KIF1B: variants seen among roughly 807,000 people sequenced by gnomAD.
KIF1B encodes kinesin family member 1B.
Under a neutral mutation model 241.9 loss-of-function variants are expected in KIF1B, and 76 were observed. The observed-to-expected ratio is 0.31, with a 90% CI of 0.26 to 0.38. The LOEUF (loss-of-function observed/expected upper bound fraction) is 0.38. Among genes scored for constraint, KIF1B ranks in the 10% least tolerant of loss-of-function variants. The pLI is 1.00. For missense variants in KIF1B, 1,622 were observed against 2,271.4 expected (o/e 0.71, Z 5.81); for synonymous variants, 750 against 796.7 (o/e 0.94, Z 0.99).
At position 10,258,494 on chromosome 1, in the gene KIF1B, C is replaced by T. The variant is rs1262165101; in HGVS notation, c.185C>T (p.Pro62Leu). ...TATTTCTCCTTTTACTCTTTACAGCCCGAAGATCCCTGTTTTGCATCTCAA... is the reference window on the plus strand; with the variant it reads ...TATTTCTCCTTTTACTCTTTACAGCTCGAAGATCCCTGTTTTGCATCTCAA... ...FDYSYWSHTS[P>L]EDPCFASQNR... Residue 62 changes from proline to leucine, a missense_variant and splice_region_variant, in exon 4 of 49, where the codon CCC becomes CTC. Transcript: ENST00000676179. 1.9e-6 allele frequency: 3 copies of T among 1,613,670 alleles called. No individual in the cohort carries two copies. The highest frequency in any genetic ancestry group is 2.7e-5 in the African/African-American group (2 of 74,864).
rs2102367684 is a variant in KIF1B, at chr1:10,378,012, T to C, written c.*1425T>C. The C allele has an allele frequency of 1.5e-5, 5 of 333,762 alleles. 1 individual carries two copies. In the East Asian group the frequency reaches 1.9e-4, roughly 13 times the overall value. 20.7% of individuals were successfully genotyped at this position (333,762 alleles called of 1,614,324 possible). On this transcript the variant is annotated 3_prime_UTR_variant, in exon 49 of 49. Coordinates refer to ENST00000676179, the MANE Select transcript of KIF1B (RefSeq NM_001365951.3). ...CTCCCTTTGATCAAAGAAATATAGC[T>C]TTCAGGCATAAACCTGGAAGTCTCC...
chr1:10,269,226 C>A (rs530019391), intron 7 of KIF1B, among the ~76,000 whole-genome samples: 1 of 152,180 alleles, frequency 6.6e-6, no homozygotes, highest in African/African-American at 2.4e-5. Context: ...AAAATATACT[C>A]CTGCTGGGCC....
chr1:10,304,946 G>T, intron 22 of KIF1B: 1 of 1,198,886 alleles, frequency 8.3e-7, no homozygotes, highest in South Asian at 2.5e-5. Context: ...GTCCCATCTT[G>T]ATGTAAGTTT....
At chr1:10,364,856 A>G (rs541899326) in intron 41 of KIF1B, among the ~76,000 whole-genome samples, 1 of 151,884 alleles carries the variant, frequency 6.6e-6, no homozygotes, top group South Asian at 2.1e-4. Flanking sequence ...AATACAAAAA[A>G]TTAGCTGGGC....
chr1:10,295,380 T>C (rs1168336488), intron 18 of KIF1B, among the ~76,000 whole-genome samples: 2 of 152,192 alleles, frequency 1.3e-5, no homozygotes, highest in Non-Finnish European at 2.9e-5. Context: ...ATAATTTTTT[T>C]TTCCTTTAAC....
chr1:10,289,893 A>G (rs997971145), intron 15 of KIF1B, among the ~76,000 whole-genome samples: 1 of 151,914 alleles, frequency 6.6e-6, no homozygotes, highest in African/African-American at 2.4e-5. Context: ...CAAACAGACA[A>G]ACAAACAAAC....
At chr1:10,228,023 A>C (rs1646932319) in intron 1 of KIF1B, among the ~76,000 whole-genome samples, 1 of 151,700 alleles carries the variant, frequency 6.6e-6, no homozygotes, top group Admixed American at 6.6e-5. Flanking sequence ...TGTCTCTACT[A>C]ATAATACAAA....
intron 36 of KIF1B, 64 bp downstream of exon 36, chr1:10,347,891 G>T: frequency 1.5e-6 from 2 of 1,323,280 alleles, no homozygotes; most frequent in Non-Finnish European, 2.2e-6. Flanking sequence ...AATAAGAGAC[G>T]GAATTCTTTC....
intron 7 of KIF1B, among the ~76,000 whole-genome samples, chr1:10,270,549 A>G (rs1358214269): frequency 6.6e-6 from 1 of 152,238 alleles, no homozygotes; most frequent in East Asian, 1.9e-4. Context: ...ACATTTGTGT[A>G]CAAGTCTTTG....
At chr1:10,292,968 T>C (rs1197923591) in intron 17 of KIF1B, among the ~76,000 whole-genome samples, 2 of 152,226 alleles carry the variant, frequency 1.3e-5, no homozygotes, top group Non-Finnish European at 2.9e-5. Context: ...TGATGATCTC[T>C]CTAAGTTAGG....
chr1:10,221,189 C>T (rs554219655), intron 1 of KIF1B, among the ~76,000 whole-genome samples: 2 of 150,120 alleles, frequency 1.3e-5, no homozygotes, highest in Admixed American at 6.6e-5. Flanking sequence ...CCTCCACCTC[C>T]GAGGTTCAAG....
chr1:10,296,851 T>C, intron 20 of KIF1B, 46 bp from the exon 21 acceptor site: 2 of 1,540,652 alleles, frequency 1.3e-6, no homozygotes, highest in South Asian at 1.1e-5. Context: ...AGATACTATA[T>C]ATTAAAAAAA....
Position 10,332,585 on chromosome 1 carries a change from G to A in KIF1B, c.2925-1935G>A, listed in dbSNP as rs539452731. Among the ~76,000 whole-genome samples, 601 of 135,352 alleles carry A rather than the reference G, an allele frequency of 4.4e-3. 3 individuals are homozygous for A. Among genetic ancestry groups the A allele is most frequent in the African/African-American group, 0.016 (546 of 34,762 alleles). 88.8% of individuals were successfully genotyped at this position (135,352 alleles called of 152,430 possible). Reference sequence around the variant, plus strand: ...GGCTGGAGTGCAGTGGCGCGATCTCGGCTCACTGCAAGCTCCGCCTCCCGG... The same window carrying A: ...GGCTGGAGTGCAGTGGCGCGATCTCAGCTCACTGCAAGCTCCGCCTCCCGG... On this transcript the variant is annotated intron_variant, in intron 27 of 48. Transcript: ENST00000676179.
intron 1 of KIF1B, chr1:10,230,783 G>A (rs1004289708): frequency 6.6e-6 from 1 of 152,152 alleles, no homozygotes; most frequent in Non-Finnish European, 1.5e-5. Context: ...TCACACAGTA[G>A]TGTTGGCTTT....
intron 32 of KIF1B, among the ~76,000 whole-genome samples, chr1:10,340,530 T>G (rs1183111954): frequency 6.6e-6 from 1 of 152,236 alleles, no homozygotes; most frequent in African/African-American, 2.4e-5. Context: ...TTAGCTGAGA[T>G]GACTGAAGCA....
In KIF1B at chr1:10,339,826, A is replaced by G; in HGVS notation, c.3480A>G (p.Arg1160=). ...FSTEPLKNNG[R]GSPLAFYHVQ... ...CGGAGCCCCTCAAAAACAATGGCAG[A>G]GGAAGTCCCCTGGCCTTTTATCATG... Residue 1160 remains arginine (R), a synonymous_variant, in exon 32 of 49, where the codon AGA becomes AGG. Transcript: ENST00000676179. The G allele has an allele frequency of 1.9e-6, 3 of 1,614,158 alleles. No homozygotes were observed. Among genetic ancestry groups the G allele is most frequent in the Non-Finnish European group, 2.5e-6 (3 of 1,179,992 alleles).
intron 33 of KIF1B, 87 bp downstream of exon 33, chr1:10,342,255 G>A: frequency 1.1e-6 from 1 of 876,308 alleles, no homozygotes; most frequent in Non-Finnish European, 2.0e-6. Context: ...TCTTTTGAGG[G>A]ATTAAGATAA....
intron 22 of KIF1B, among the ~76,000 whole-genome samples, chr1:10,319,479 G>T (rs919570504): frequency 2.6e-5 from 4 of 152,120 alleles, no homozygotes; most frequent in Admixed American, 6.5e-5. Flanking sequence ...AATTATTTCA[G>T]TCCTAATAGC....
At chr1:10,268,645 G>C (rs1648604741) in intron 7 of KIF1B, among the ~76,000 whole-genome samples, 3 of 141,848 alleles carry the variant, frequency 2.1e-5, no homozygotes. Context: ...TTTTTTTTGA[G>C]CTATGATAAT....
Sources: gnomAD v4.1 joint callset for allele counts (sites outside exome capture counted in the v4.1 genomes callset) on GRCh38, gnomAD v4.1.1 for gene constraint, MANE v1.5 for transcripts, NCBI Gene and HGNC (gene_info 2026-07-23, HGNC 2026-07-21) for gene names.